NPHP1: variants seen among roughly 807,000 people sequenced by gnomAD.
The protein encoded by NPHP1 is nephrocystin 1, also known as nephrocystin-1.
A neutral mutation model predicts 90.4 loss-of-function variants in NPHP1; 70 were observed. The observed-to-expected ratio is 0.77, with a 90% CI of 0.64 to 0.95. The LOEUF (loss-of-function observed/expected upper bound fraction) is 0.95. NPHP1 is among the 40% of genes least tolerant of loss of function. NPHP1 has a pLI of 0.00. For missense variants in NPHP1, 764 were observed against 795.9 expected, an observed-to-expected ratio of 0.96 and a Z score of 0.48; for synonymous variants, 256 against 271.7, an observed-to-expected ratio of 0.94 and a Z score of 0.57.
chr2:110,196,197 T>C (rs1035577525), intron 2 of NPHP1, among the ~76,000 whole-genome samples: 27 of 152,042 alleles, frequency 1.8e-4, no homozygotes, highest in Non-Finnish European at 3.5e-4. Flanking sequence ...CAAAAGAAAC[T>C]ACCATCAGAG....
rs1329991776 is a variant in NPHP1, at chr2:110,141,031, T to C, written c.1529+2511A>G. Among the ~76,000 whole-genome samples, 3 of 152,168 alleles carry C rather than the reference T, an allele frequency of 2.0e-5. No individual in the cohort carries two copies. The East Asian group carries it at 5.8e-4, about 29-fold the overall frequency. On this transcript the variant is annotated intron_variant, in intron 16 of 19. Transcript: ENST00000445609. Reference sequence around the variant, plus strand: ...TAATCTGTGAGCAATGAGCAGGTCATGGTGGGACAGTTCAGCTGCAACAGT... The same window carrying C: ...TAATCTGTGAGCAATGAGCAGGTCACGGTGGGACAGTTCAGCTGCAACAGT...
At chr2:110,189,577 C>T (rs571404295) in intron 2 of NPHP1, among the ~76,000 whole-genome samples, 12 of 152,110 alleles carry the variant, frequency 7.9e-5, no homozygotes, top group Admixed American at 5.2e-4. Flanking sequence ...AAGAACAAAG[C>T]TTCCACAGTG....
chr2:110,156,780 G>GTTTT (rs59532714), intron 11 of NPHP1, among the ~76,000 whole-genome samples: 103 of 139,296 alleles, frequency 7.4e-4, no homozygotes, highest in African/African-American at 2.2e-3. Context: ...TTTGGTTTCT[G>GTTTT]TTTTTTTTTT....
intron 16 of NPHP1, among the ~76,000 whole-genome samples, chr2:110,136,712 C>T (rs1026719625): frequency 1.3e-5 from 2 of 152,106 alleles, no homozygotes; most frequent in South Asian, 2.1e-4. Context: ...TGCTCATGGA[C>T]AGGAAGAATC....
In NPHP1 at chr2:110,193,812, A is replaced by G. The variant is rs1684932569; in HGVS notation, c.143+7609T>C. Among the ~76,000 whole-genome samples, 3 of 152,194 alleles carry G rather than the reference A, an allele frequency of 2.0e-5. No homozygotes were observed. In the South Asian group the frequency reaches 6.2e-4, roughly 32 times the overall value. ...CAGAAATTATAACAAACTGTCTCTC[A>G]GACCAAAGTGCAATCAAACTAGAAC... On this transcript the variant is annotated intron_variant, in intron 2 of 19. Transcript: ENST00000445609.
intron 16 of NPHP1, 25 bp from the exon 17 acceptor site, chr2:110,131,816 T>A: frequency 3.0e-6 from 4 of 1,347,816 alleles, no homozygotes; most frequent in Non-Finnish European, 4.2e-6. Context: ...AAAAATGTAT[T>A]CATTAGACAA....
intron 2 of NPHP1, among the ~76,000 whole-genome samples, chr2:110,192,215 AAGG>A (rs1425090019): frequency 2.0e-5 from 3 of 152,152 alleles, no homozygotes; most frequent in Admixed American, 1.3e-4. Context: ...CTCCGAGCTA[AAGG>A]AGGAAGTTCG....
intron 2 of NPHP1, among the ~76,000 whole-genome samples, chr2:110,195,437 C>G (rs1395571328): frequency 6.6e-6 from 1 of 152,068 alleles, no homozygotes; most frequent in Non-Finnish European, 1.5e-5. Context: ...CCTAGAAATC[C>G]AACTTACAAG....
intron 8 of NPHP1, 101 bp from the exon 9 acceptor site, chr2:110,163,236 T>A: frequency 1.2e-6 from 1 of 835,388 alleles, no homozygotes; most frequent in Non-Finnish European, 2.0e-6. Flanking sequence ...AAGAAAAATA[T>A]AAACATACAG....
chr2:110,126,251 A>C (rs1679357791), intron 18 of NPHP1: 1 of 162,684 alleles, frequency 6.1e-6, no homozygotes, highest in South Asian at 1.7e-4. Flanking sequence ...TTTCCTGGCA[A>C]ACTGAATGCG....
chr2:110,165,048 G>T lies in NPHP1; in HGVS notation c.728+4C>A. 3 of 1,607,272 alleles carry T rather than the reference G, an allele frequency of 1.9e-6. No homozygotes were observed. The highest frequency in any genetic ancestry group is 2.6e-6 in the Non-Finnish European group (3 of 1,174,036). Reference sequence around the variant, plus strand: ...TACTTTGATATCCTTTCCCACTTTTGTACCTTTGCTTAACTTCTGCTCCAT... The same window carrying T: ...TACTTTGATATCCTTTCCCACTTTTTTACCTTTGCTTAACTTCTGCTCCAT... On this transcript the variant is annotated splice_donor_region_variant and intron_variant, in intron 7 of 19. Coordinates refer to ENST00000445609, the MANE Select transcript of NPHP1 (RefSeq NM_001128178.3).
At chr2:110,173,199 G>A (rs527962030) in intron 4 of NPHP1, among the ~76,000 whole-genome samples, 31 of 151,968 alleles carry the variant, frequency 2.0e-4, no homozygotes, top group South Asian at 1.7e-3. Context: ...CTCGTGATTC[G>A]CCCGCCTCAG....
chr2:110,192,177 GAGA>G (rs1278691352), intron 2 of NPHP1, among the ~76,000 whole-genome samples: 2 of 152,194 alleles, frequency 1.3e-5, no homozygotes, highest in South Asian at 2.1e-4. Flanking sequence ...CATGAGTTGA[GAGA>G]AGAAGGCTTC....
At chr2:110,161,846 T>C in intron 9 of NPHP1, 149 bp from the exon 10 acceptor site, 1 of 613,968 alleles carries the variant, frequency 1.6e-6, no homozygotes, top group Non-Finnish European at 2.9e-6. Context: ...GAAGCGCCAA[T>C]ATAGATTTAT....
At chr2:110,187,283 A>G (rs1684356147) in intron 2 of NPHP1, among the ~76,000 whole-genome samples, 1 of 152,090 alleles carries the variant, frequency 6.6e-6, no homozygotes, top group African/African-American at 2.4e-5. Context: ...CTAGACTAAT[A>G]AAGAAAAGAG....
Position 110,141,866 on chromosome 2 carries a change from G to A in NPHP1, c.1529+1676C>T, listed in dbSNP as rs528639004. ...CGGGCGCCTGTAGTCCCAGCTACTCGGTAGGCTGAGGCAGGAAAATGGCGT... is the reference window on the plus strand; with the variant it reads ...CGGGCGCCTGTAGTCCCAGCTACTCAGTAGGCTGAGGCAGGAAAATGGCGT... On this transcript the variant is annotated intron_variant, in intron 16 of 19. Transcript: ENST00000445609. 1.9e-4 allele frequency among the ~76,000 whole-genome samples: 29 copies of A among 151,552 alleles called. No homozygotes were observed. In the Middle Eastern group the frequency reaches 0.01, roughly 54 times the overall value.
chr2:110,158,908 T>G (rs1421689361), intron 11 of NPHP1, among the ~76,000 whole-genome samples: 3 of 133,418 alleles, frequency 2.2e-5, no homozygotes, highest in Non-Finnish European at 4.8e-5. Flanking sequence ...TAGTTTTAGG[T>G]TTTTTCTTGT....
chr2:110,141,865 C>T lies in NPHP1; in HGVS notation c.1529+1677G>A, dbSNP rs188421416. ...GCGGGCGCCTGTAGTCCCAGCTACT[C>T]GGTAGGCTGAGGCAGGAAAATGGCG... On this transcript the variant is annotated intron_variant, in intron 16 of 19. Transcript: ENST00000445609. 5.6e-3 allele frequency among the ~76,000 whole-genome samples: 840 copies of T among 150,064 alleles called. 13 individuals carry two copies. Among genetic ancestry groups the T allele is most frequent in the African/African-American group, 0.017 (710 of 40,862 alleles).
intron 16 of NPHP1, among the ~76,000 whole-genome samples, chr2:110,139,435 T>C (rs1263637319): frequency 6.6e-6 from 1 of 152,216 alleles, no homozygotes; most frequent in East Asian, 1.9e-4. Context: ...CTTTTTCTTA[T>C]GTTGACAAGG....
Sources: gnomAD v4.1 joint callset for allele counts (sites outside exome capture counted in the v4.1 genomes callset) on GRCh38, gnomAD v4.1.1 for gene constraint, MANE v1.5 for transcripts, NCBI Gene and HGNC (gene_info 2026-07-23, HGNC 2026-07-21) for gene names.